IL1RAPL1: variants seen among roughly 807,000 people sequenced by gnomAD.
IL1RAPL1 encodes the protein interleukin-1 receptor accessory protein-like 1.
A neutral mutation model predicts 48.4 loss-of-function variants in IL1RAPL1; 3 were observed. The ratio of observed to expected loss-of-function variants is 0.06; its 90% CI spans 0.03 to 0.16. IL1RAPL1 has a LOEUF of 0.16. IL1RAPL1 is among the 10% of genes least tolerant of loss of function. The pLI, the probability that IL1RAPL1 is intolerant of heterozygous loss-of-function variation, is 1.00. For synonymous variants in IL1RAPL1, 185 were observed against 187.7 expected, an observed-to-expected ratio of 0.99 and a Z score of 0.12; for missense variants, 349 against 530.6, an observed-to-expected ratio of 0.66 and a Z score of 3.36.
chrX:29,396,547 CT>C lies in IL1RAPL1; in HGVS notation c.549+106del, dbSNP rs913617277. ...CTTAGATGGGTGTGATATAGTTTAGCTTTGCCTTTCTAGAATAATATAGCAA... is the reference window on the plus strand; with the variant it reads ...CTTAGATGGGTGTGATATAGTTTAGCTTGCCTTTCTAGAATAATATAGCAA... On this transcript the variant is annotated intron_variant, in intron 4 of 10. Coordinates refer to ENST00000378993, the MANE Select transcript of IL1RAPL1 (RefSeq NM_014271.4). The C allele has an allele frequency of 4.1e-6, 3 of 735,207 alleles. No individual in the cohort carries two copies. In the African/African-American group the frequency reaches 6.3e-5, roughly 15 times the overall value. 60.6% of individuals were successfully genotyped at this position (735,207 alleles called of 1,213,427 possible).
At chrX:29,315,477 A>T (rs983316479) in intron 3 of IL1RAPL1, among the ~76,000 whole-genome samples, 1 of 111,421 alleles carries the variant, frequency 9.0e-6, no homozygotes, top group Non-Finnish European at 1.9e-5. Flanking sequence ...AATTTAATTG[A>T]TCTGGGATGG....
At chrX:29,017,953 T>G (rs924286153) in intron 2 of IL1RAPL1, among the ~76,000 whole-genome samples, 1 of 112,082 alleles carries the variant, frequency 8.9e-6, no homozygotes, top group Non-Finnish European at 1.9e-5. Flanking sequence ...TTTCAGTTTC[T>G]CTATTAAAAA....
chrX:29,353,034 G>A (rs1366016859), intron 3 of IL1RAPL1, among the ~76,000 whole-genome samples: 1 of 111,519 alleles, frequency 9.0e-6, no homozygotes, highest in Non-Finnish European at 1.9e-5. Flanking sequence ...TTTCTCCTTT[G>A]TATAACTTAT....
intron 5 of IL1RAPL1, among the ~76,000 whole-genome samples, chrX:29,407,553 A>G (rs1934088710): frequency 8.9e-6 from 1 of 112,083 alleles, no homozygotes. Context: ...TTTTTTGCTT[A>G]TGTAAGTAAT....
At chrX:28,730,644 C>T (rs1935743500) in intron 1 of IL1RAPL1, among the ~76,000 whole-genome samples, 1 of 111,722 alleles carries the variant, frequency 9.0e-6, no homozygotes, top group South Asian at 3.7e-4. Flanking sequence ...GAATATTAAG[C>T]CATGCCCTAA....
At chrX:29,392,719 T>A (rs1300949404) in intron 3 of IL1RAPL1, among the ~76,000 whole-genome samples, 3 of 111,990 alleles carry the variant, frequency 2.7e-5, no homozygotes, top group Non-Finnish European at 3.8e-5. Flanking sequence ...GGGACATTTG[T>A]ATTTAAAGAA....
At chrX:28,849,139 TAA>T (rs34892376) in intron 2 of IL1RAPL1, among the ~76,000 whole-genome samples, 89 of 99,564 alleles carry the variant, frequency 8.9e-4, no homozygotes, top group Non-Finnish European at 1.0e-3. Flanking sequence ...ACAAGGCAAT[TAA>T]AAAAAAAAAA....
At chrX:28,961,460 G>A (rs1338452645) in intron 2 of IL1RAPL1, among the ~76,000 whole-genome samples, 6 of 110,750 alleles carry the variant, frequency 5.4e-5, no homozygotes, top group African/African-American at 1.3e-4. Context: ...TTTAAGCCCC[G>A]CATGCATTAG....
chrX:28,943,063 C>T (rs940003213), intron 2 of IL1RAPL1, among the ~76,000 whole-genome samples: 5 of 110,255 alleles, frequency 4.5e-5, no homozygotes, highest in South Asian at 3.8e-4. Context: ...TGTAGTATAG[C>T]GTTGACTTAG....
intron 2 of IL1RAPL1, among the ~76,000 whole-genome samples, chrX:29,116,581 T>C (rs2147473961): frequency 8.9e-6 from 1 of 111,755 alleles, no homozygotes; most frequent in East Asian, 2.8e-4. Context: ...AAAGAGCTGC[T>C]TTCAGGAGAA....
rs770554681 is a variant in IL1RAPL1 at position 29,925,837 on chromosome X, A to G, written c.1057+5743A>G. Among the ~76,000 whole-genome samples the G allele has an allele frequency of 3.6e-5, 4 of 111,723 alleles. No homozygotes were observed. In the South Asian group the frequency reaches 1.5e-3, roughly 42 times the overall value. ...TTACAGGCATGAGCCACTGTGCCCA[A>G]CTCCCTGTGTGCTTCTTGATACGGA... is the stretch of plus-strand genomic sequence containing the variant. On this transcript the variant is annotated intron_variant, in intron 8 of 10. Transcript: ENST00000378993.
intron 2 of IL1RAPL1, among the ~76,000 whole-genome samples, chrX:29,091,835 C>A (rs1370970930): frequency 9.0e-6 from 1 of 110,843 alleles, no homozygotes; most frequent in East Asian, 2.8e-4. Flanking sequence ...GCAATAGTTC[C>A]AAAAACTTTT....
intron 5 of IL1RAPL1, among the ~76,000 whole-genome samples, chrX:29,496,262 G>A (rs934304481): frequency 1.8e-5 from 2 of 109,938 alleles, no homozygotes; most frequent in African/African-American, 6.6e-5. Flanking sequence ...TAAATTATAC[G>A]GTGATATAGT....
chrX:29,100,950 G>A (rs5985953), intron 2 of IL1RAPL1, among the ~76,000 whole-genome samples: 30,513 of 110,835 alleles, frequency 0.28, 3,937 homozygotes, highest in African/African-American at 0.5. Context: ...CCTTTTATAT[G>A]TGAATGTTGG....
intron 2 of IL1RAPL1, among the ~76,000 whole-genome samples, chrX:29,127,872 G>C (rs1602069642): frequency 9.1e-6 from 1 of 109,594 alleles, no homozygotes; most frequent in African/African-American, 3.3e-5. Context: ...GGTTGAGGCA[G>C]AGAATTGCTC....
intron 2 of IL1RAPL1, among the ~76,000 whole-genome samples, chrX:29,135,542 TAATGA>T (rs1929107191): frequency 9.0e-6 from 1 of 111,730 alleles, no homozygotes; most frequent in African/African-American, 3.3e-5. Context: ...GGAATCTAAT[TAATGA>T]AATAGCTAGA....
At chrX:28,716,869 AG>A (rs1381020347) in intron 1 of IL1RAPL1, among the ~76,000 whole-genome samples, 1 of 111,808 alleles carries the variant, frequency 8.9e-6, no homozygotes, top group Non-Finnish European at 1.9e-5. Context: ...CACTTCTCAA[AG>A]GAAGGCAGAC....
At chrX:29,029,271 A>G (rs940288103) in intron 2 of IL1RAPL1, among the ~76,000 whole-genome samples, 2 of 110,960 alleles carry the variant, frequency 1.8e-5, no homozygotes, top group African/African-American at 6.6e-5. Context: ...GCCAAACCAT[A>G]TCAGTGGGGT....
At chrX:29,919,044 G>T (rs1435819797) in intron 7 of IL1RAPL1, among the ~76,000 whole-genome samples, 1 of 110,460 alleles carries the variant, frequency 9.1e-6, no homozygotes, top group Non-Finnish European at 1.9e-5. Flanking sequence ...AGGTAAAAAA[G>T]AAAATGATTT....
Sources: gnomAD v4.1 joint callset for allele counts (sites outside exome capture counted in the v4.1 genomes callset) on GRCh38, gnomAD v4.1.1 for gene constraint, MANE v1.5 for transcripts, NCBI Gene and HGNC (gene_info 2026-07-23, HGNC 2026-07-21) for gene names.